Variants in VPS13B observed in about 807,000 individuals in gnomAD.
VPS13B encodes vacuolar protein sorting 13 homolog B, also known as intermembrane lipid transfer protein VPS13B.
VPS13B carries 285 observed loss-of-function variants against 426.4 expected under a neutral mutation model. The observed-to-expected ratio is 0.67, with a 90% CI of 0.61 to 0.74. The LOEUF is 0.74. Ranked by LOEUF, VPS13B falls within the 30% of genes least tolerant of loss-of-function variation. The pLI, the probability that VPS13B is intolerant of heterozygous loss-of-function variation, is 0.00. For synonymous variants in VPS13B, 1,676 were observed against 1,676.4 expected, an observed-to-expected ratio of 1.00 and a Z score of 0.01; for missense variants, 4,537 against 4,782.6, an observed-to-expected ratio of 0.95 and a Z score of 1.51.
At chr8:99,868,495 C>A in intron 59 of VPS13B, 30 bp downstream of exon 59, 1 of 1,585,464 alleles carries the variant, frequency 6.3e-7, no homozygotes, top group South Asian at 1.1e-5. Flanking sequence ...ATCAGGCCAA[C>A]CCAGACGTTA....
chr8:99,309,867 G>A (rs1820857547), intron 19 of VPS13B, among the ~76,000 whole-genome samples: 1 of 152,136 alleles, frequency 6.6e-6, no homozygotes, highest in Admixed American at 6.5e-5. Context: ...TTGAGCAGTG[G>A]TTTGTAGTTC....
chr8:99,311,043 T>G (rs1368668816), intron 19 of VPS13B, among the ~76,000 whole-genome samples: 1 of 152,208 alleles, frequency 6.6e-6, no homozygotes, highest in Admixed American at 6.5e-5. Flanking sequence ...TTATTGTGTC[T>G]ATTTGATTCT....
intron 19 of VPS13B, 72 bp downstream of exon 19, chr8:99,275,326 T>A: frequency 7.3e-7 from 1 of 1,378,150 alleles, no homozygotes. Flanking sequence ...GCTTTTAAAA[T>A]TGGTATATAT....
chr8:99,583,817 A>T (rs1642003299), intron 33 of VPS13B, among the ~76,000 whole-genome samples: 1 of 152,128 alleles, frequency 6.6e-6, no homozygotes, highest in Non-Finnish European at 1.5e-5. Context: ...GGGGTTTGAG[A>T]GAGGAAACTG....
In VPS13B at chr8:99,218,264, A is replaced by C. The variant is rs531192146; in HGVS notation, c.2515+25207A>C. Among the ~76,000 whole-genome samples the C allele has an allele frequency of 2.0e-5, 3 of 152,226 alleles. No individual in the cohort carries two copies. In the East Asian group the frequency reaches 5.8e-4, roughly 29 times the overall value. On this transcript the variant is annotated intron_variant, in intron 17 of 61. Transcript: ENST00000357162. ...GAGGAAGAAGAAGAAATGTGAGTCC[A>C]TATGTAGCACACAAAGTCTAAAATA... is the stretch of plus-strand genomic sequence containing the variant.
At chr8:99,291,196 G>C (rs777761729) in intron 19 of VPS13B, among the ~76,000 whole-genome samples, 1 of 152,094 alleles carries the variant, frequency 6.6e-6, no homozygotes, top group Non-Finnish European at 1.5e-5. Context: ...TTGGCCAAAA[G>C]AAAGAGCACA....
In VPS13B at chr8:99,095,877, A is replaced by G. The variant is rs981018882; in HGVS notation, c.292-435A>G. Reference sequence around the variant, plus strand: ...ATAAGGATTATTAAGATTAATCATTAAAGATGACCAAGATAGCTTGGATTG... The same window carrying G: ...ATAAGGATTATTAAGATTAATCATTGAAGATGACCAAGATAGCTTGGATTG... On this transcript the variant is annotated intron_variant, in intron 3 of 61. Coordinates refer to ENST00000357162, the MANE Select transcript of VPS13B (RefSeq NM_152564.5). Among the ~76,000 whole-genome samples, 10 of 152,288 alleles carry G rather than the reference A, an allele frequency of 6.6e-5. No individual in the cohort carries two copies. In the East Asian group the frequency reaches 1.9e-3, roughly 29 times the overall value.
intron 19 of VPS13B, among the ~76,000 whole-genome samples, chr8:99,345,016 G>GTC (rs1157796635): frequency 6.6e-6 from 1 of 152,042 alleles, no homozygotes; most frequent in African/African-American, 2.4e-5. Flanking sequence ...TAGGAATTGA[G>GTC]TCTTGCCCAT....
intron 19 of VPS13B, among the ~76,000 whole-genome samples, chr8:99,383,599 T>C (rs1362952621): frequency 6.6e-6 from 1 of 152,200 alleles, no homozygotes; most frequent in Non-Finnish European, 1.5e-5. Flanking sequence ...TCAAACCACA[T>C]AGCTCTTAGC....
chr8:99,464,719 C>T (rs1353216933), intron 23 of VPS13B, among the ~76,000 whole-genome samples: 1 of 152,126 alleles, frequency 6.6e-6, no homozygotes, highest in Non-Finnish European at 1.5e-5. Flanking sequence ...CCCTGCTCCA[C>T]CCCTTGGCGT....
chr8:99,164,594 C>T (rs1811882148), intron 15 of VPS13B, among the ~76,000 whole-genome samples: 1 of 152,066 alleles, frequency 6.6e-6, no homozygotes, highest in Non-Finnish European at 1.5e-5. Flanking sequence ...GGTTGAAGAC[C>T]CACATAAGTA....
chr8:99,297,652 CTG>C (rs2133062692), intron 19 of VPS13B, among the ~76,000 whole-genome samples: 2 of 152,296 alleles, frequency 1.3e-5, no homozygotes, highest in South Asian at 2.1e-4. Flanking sequence ...TGTTAGCAAT[CTG>C]AAACTATGTG....
chr8:99,863,431 T>C (rs1292640281), intron 58 of VPS13B, among the ~76,000 whole-genome samples: 1 of 152,072 alleles, frequency 6.6e-6, no homozygotes, highest in East Asian at 1.9e-4. Context: ...AATTGGAGAC[T>C]TAAGTACCAC....
At position 99,117,655 on chromosome 8, in the gene VPS13B, C is replaced by A. The variant is rs377112681; in HGVS notation, c.937+1781C>A. ...TGATATAGGCTACAGCATGGATGAACCTTGAAAGCATTATCTTAAGTGAAA... is the reference window on the plus strand; with the variant it reads ...TGATATAGGCTACAGCATGGATGAAACTTGAAAGCATTATCTTAAGTGAAA... On this transcript the variant is annotated intron_variant, in intron 7 of 61. Coordinates refer to ENST00000357162, the MANE Select transcript of VPS13B (RefSeq NM_152564.5). 2.4e-4 allele frequency among the ~76,000 whole-genome samples: 37 copies of A among 152,054 alleles called. 2 individuals carry two copies. The highest frequency in any genetic ancestry group is 1.5e-3 in the East Asian group (8 of 5,180).
At chr8:99,629,744 A>G (rs543359557) in intron 33 of VPS13B, among the ~76,000 whole-genome samples, 47 of 152,316 alleles carry the variant, frequency 3.1e-4, no homozygotes, top group Non-Finnish European at 5.3e-4. Context: ...GTAATCTGCC[A>G]TGTCCAGATT....
intron 5 of VPS13B, among the ~76,000 whole-genome samples, chr8:99,109,054 C>T (rs895887343): frequency 6.6e-6 from 1 of 151,854 alleles, no homozygotes; most frequent in African/African-American, 2.4e-5. Context: ...AGCTTCCTAA[C>T]CTCTTTTTAA....
intron 39 of VPS13B, among the ~76,000 whole-genome samples, chr8:99,740,270 A>G (rs1588671288): frequency 1.3e-5 from 2 of 152,336 alleles, no homozygotes; most frequent in East Asian, 3.9e-4. Context: ...AGAAGTTTAG[A>G]GAAAAAAGAA....
At chr8:99,807,432 T>G (rs1289222774) in intron 43 of VPS13B, among the ~76,000 whole-genome samples, 1 of 152,156 alleles carries the variant, frequency 6.6e-6, no homozygotes, top group African/African-American at 2.4e-5. Context: ...TTTTTTTTTT[T>G]TTGTCATTTC....
intron 33 of VPS13B, among the ~76,000 whole-genome samples, chr8:99,618,282 CAAAAAAAAAA>C (rs11301760): frequency 9.4e-5 from 11 of 117,192 alleles, no homozygotes; most frequent in Non-Finnish European, 1.9e-4. Context: ...GTGTATATTT[CAAAAAAAAAA>C]AAAAAAAAAT....
Sources: gnomAD v4.1 joint callset for allele counts (sites outside exome capture counted in the v4.1 genomes callset) on GRCh38, gnomAD v4.1.1 for gene constraint, MANE v1.5 for transcripts, NCBI Gene and HGNC (gene_info 2026-07-23, HGNC 2026-07-21) for gene names.